The following CCM2 variants were observed in gnomAD, a reference collection of about 807,000 sequenced individuals.
The protein encoded by CCM2 is CCM2 scaffold protein.
In CCM2, 25 loss-of-function variants were observed where a neutral mutation model predicts 44.9. The observed-to-expected ratio is 0.56, with a 90% CI of 0.41 to 0.78. The LOEUF is 0.78. CCM2 is among the 30% of genes least tolerant of loss of function. The pLI is 0.00. For synonymous variants in CCM2, 219 were observed against 241.1 expected (o/e 0.91, Z 0.85); for missense variants, 481 against 580.6 (o/e 0.83, Z 1.76).
intron 7 of CCM2, 194 bp from the exon 8 acceptor site, chr7:45,073,266 G>A (rs950296785): frequency 1.3e-5 from 8 of 627,110 alleles, no homozygotes; most frequent in African/African-American, 9.0e-5. Flanking sequence ...CATGCCCCCG[G>A]GGAGCCCCAG....
Position 45,063,919 on chromosome 7 carries a change from AT to A in CCM2, c.209del (p.Leu70Ter). ...LSDYIEKEVK[Y>X]LGQLTSIPGY... ...ATTTTTTTCTTCACTTTCTTTCAGT[AT>A]TTAGGTCAGTTAACGTCCATACCAG... is the stretch of plus-strand genomic sequence containing the variant. On this transcript the variant is annotated frameshift_variant and splice_region_variant, in exon 3 of 10. Coordinates refer to ENST00000258781, the MANE Select transcript of CCM2 (RefSeq NM_031443.4). LOFTEE classifies it high-confidence loss of function. 6.2e-7 allele frequency: 1 copy of A among 1,606,244 alleles called. No individual in the cohort carries two copies. The highest frequency in any genetic ancestry group is 8.5e-7 in the Non-Finnish European group (1 of 1,172,998).
chr7:45,040,111 A>G (rs1361677245), intron 2 of CCM2, among the ~76,000 whole-genome samples: 1 of 149,976 alleles, frequency 6.7e-6, no homozygotes, highest in Non-Finnish European at 1.5e-5. Context: ...AGTAAAAAAA[A>G]AGGCCAGGTG....
intron 1 of CCM2, among the ~76,000 whole-genome samples, chr7:45,033,250 G>T (rs1797053122): frequency 6.6e-6 from 1 of 152,106 alleles, no homozygotes. Flanking sequence ...TTGTAGGACG[G>T]GGGAGCGCCA....
intron 5 of CCM2, 110 bp from the exon 6 acceptor site, chr7:45,069,716 C>A: frequency 7.2e-6 from 10 of 1,394,480 alleles, no homozygotes; most frequent in Middle Eastern, 4.2e-4. Context: ...GGTATCCACT[C>A]TTCATTCATG....
At chr7:45,066,943 C>A (rs1328928892) in intron 4 of CCM2, among the ~76,000 whole-genome samples, 1 of 151,186 alleles carries the variant, frequency 6.6e-6, no homozygotes, top group Non-Finnish European at 1.5e-5. Context: ...CTGTGTTGCC[C>A]AGGCTGGAGT....
chr7:45,007,061 G>A (rs1036515353), intron 1 of CCM2, among the ~76,000 whole-genome samples: 2 of 152,178 alleles, frequency 1.3e-5, no homozygotes, highest in African/African-American at 2.4e-5. Flanking sequence ...TCATCTGCTG[G>A]CTGCCTTAGG....
At chr7:45,021,042 T>C (rs1373886834) in intron 1 of CCM2, among the ~76,000 whole-genome samples, 1 of 152,142 alleles carries the variant, frequency 6.6e-6, no homozygotes, top group Admixed American at 6.6e-5. Context: ...TTAGTGCTCA[T>C]GAGGTCGAGA....
chr7:45,021,702 C>T (rs780700448), intron 1 of CCM2, among the ~76,000 whole-genome samples: 5 of 151,200 alleles, frequency 3.3e-5, no homozygotes, highest in Non-Finnish European at 7.4e-5. Context: ...GGAGGAGGAG[C>T]TGAGGAGGAG....
intron 2 of CCM2, among the ~76,000 whole-genome samples, chr7:45,048,438 G>A (rs1285221486): frequency 2.6e-5 from 4 of 152,200 alleles, no homozygotes; most frequent in Non-Finnish European, 4.4e-5. Flanking sequence ...AATGCTTACT[G>A]TGTGCAGCAA....
chr7:45,059,433 GA>G (rs1798422507), intron 2 of CCM2, among the ~76,000 whole-genome samples: 1 of 111,810 alleles, frequency 8.9e-6, no homozygotes, highest in Non-Finnish European at 2.2e-5. Flanking sequence ...AAAAAAAAAA[GA>G]AAGAAAGAAA....
At chr7:45,032,705 T>C (rs1325432169) in intron 1 of CCM2, among the ~76,000 whole-genome samples, 1 of 152,138 alleles carries the variant, frequency 6.6e-6, no homozygotes. Flanking sequence ...CCAGCGTTTA[T>C]TGCTGTCCAG....
chr7:45,062,820 C>G (rs1338263906), intron 2 of CCM2, among the ~76,000 whole-genome samples: 1 of 98,254 alleles, frequency 1.0e-5, no homozygotes, highest in African/African-American at 5.8e-5. Context: ...GAGTGAGACC[C>G]TGTCTCAAAA....
In CCM2 at chr7:45,076,428, A is replaced by T; in HGVS notation, c.*371A>T. Reference sequence around the variant, plus strand: ...GTAACTCTCAGAGACCTTAAAAAGAAGTTTACTGCAATGTGAATAATTTAA... The same window carrying T: ...GTAACTCTCAGAGACCTTAAAAAGATGTTTACTGCAATGTGAATAATTTAA... On this transcript the variant is annotated 3_prime_UTR_variant, in exon 10 of 10. Transcript: ENST00000258781. The T allele has an allele frequency of 2.5e-6, 1 of 394,116 alleles. No individual in the cohort carries two copies. The highest frequency in any genetic ancestry group is 4.9e-6 in the Non-Finnish European group (1 of 204,340). The allele number at this position is 394,116 out of a possible 1,614,324, so 24.4% of individuals were successfully genotyped here.
At position 45,069,588 on chromosome 7, in the gene CCM2, C is replaced by T. The variant is rs535896177; in HGVS notation, c.610-238C>T. On this transcript the variant is annotated intron_variant, in intron 5 of 9. Coordinates refer to ENST00000258781, the MANE Select transcript of CCM2 (RefSeq NM_031443.4). ...ACACTTGTGCCCTGCACAGTCCCCTCACACTTGCAATACCACCCCTGGGCC... is the reference window on the plus strand; with the variant it reads ...ACACTTGTGCCCTGCACAGTCCCCTTACACTTGCAATACCACCCCTGGGCC... 2.0e-5 allele frequency among the ~76,000 whole-genome samples: 3 copies of T among 152,290 alleles called. No individual in the cohort carries two copies. The South Asian group carries it at 6.2e-4, about 32-fold the overall frequency.
chr7:45,043,643 T>A, intron 2 of CCM2: 8 of 340,052 alleles, frequency 2.4e-5, no homozygotes, highest in East Asian at 1.0e-4. Context: ...AAAAAAAAAA[T>A]TGTGGAGAAA....
intron 2 of CCM2, among the ~76,000 whole-genome samples, chr7:45,040,867 G>A (rs551688144): frequency 6.6e-6 from 1 of 152,356 alleles, no homozygotes; most frequent in African/African-American, 2.4e-5. Context: ...GCACACGCCT[G>A]TAATTCCAGC....
At chr7:45,058,812 T>C (rs1301284267) in intron 2 of CCM2, among the ~76,000 whole-genome samples, 1 of 152,108 alleles carries the variant, frequency 6.6e-6, no homozygotes, top group African/African-American at 2.4e-5. Flanking sequence ...GTTTTTGTTC[T>C]GTCACCTAGG....
At chr7:45,053,732 C>T (rs1016819010) in intron 2 of CCM2, among the ~76,000 whole-genome samples, 3 of 152,170 alleles carry the variant, frequency 2.0e-5, no homozygotes, top group African/African-American at 7.2e-5. Context: ...ACAGAGCTTC[C>T]CAGTGATGCC....
chr7:45,053,869 T>C (rs80197482), intron 2 of CCM2, among the ~76,000 whole-genome samples: 20,285 of 152,230 alleles, frequency 0.13, 1,659 homozygotes, highest in Middle Eastern at 0.23. Context: ...TCTACTTCCC[T>C]GAGCCTTTCG....
Sources: gnomAD v4.1 joint callset for allele counts (sites outside exome capture counted in the v4.1 genomes callset) on GRCh38, gnomAD v4.1.1 for gene constraint, MANE v1.5 for transcripts, NCBI Gene and HGNC (gene_info 2026-07-23, HGNC 2026-07-21) for gene names.